RNPC3: variants seen among roughly 807,000 people sequenced by gnomAD.
The protein encoded by RNPC3 is RNA binding region (RNP1, RRM) containing 3.
A neutral mutation model predicts 67.5 loss-of-function variants in RNPC3; 48 were observed. That is an observed-to-expected ratio of 0.71 (90% CI 0.56 to 0.90). The LOEUF (loss-of-function observed/expected upper bound fraction) is 0.90. RNPC3 is among the 40% of genes least tolerant of loss of function. The pLI is 0.00. For synonymous variants in RNPC3, 239 were observed against 210.3 expected, an observed-to-expected ratio of 1.14 and a Z score of -1.18; for missense variants, 637 against 626.1, an observed-to-expected ratio of 1.02 and a Z score of -0.19.
Position 103,539,729 on chromosome 1 carries a change from CA to C in RNPC3, c.768-1617del, listed in dbSNP as rs1381009048. On this transcript the variant is annotated intron_variant, in intron 7 of 14. Transcript: ENST00000423855. ...TTCAGGAAATGTAACAAGACCTAAA[CA>C]AAAGAAAAATGGTACAGGTTGAGTA... 3.3e-5 allele frequency among the ~76,000 whole-genome samples: 5 copies of C among 152,192 alleles called. 1 individual carries two copies. The East Asian group carries it at 9.7e-4, about 29-fold the overall frequency.
intron 2 of RNPC3, among the ~76,000 whole-genome samples, chr1:103,530,652 G>T (rs746840271): frequency 1.3e-5 from 2 of 152,262 alleles, no homozygotes; most frequent in South Asian, 2.1e-4. Flanking sequence ...GAGCAAGGGG[G>T]TGACCTTGGT....
At chr1:103,532,478 G>A (rs565356743) in intron 2 of RNPC3, among the ~76,000 whole-genome samples, 21 of 152,200 alleles carry the variant, frequency 1.4e-4, no homozygotes, top group Admixed American at 2.6e-4. Flanking sequence ...TGTGTTCCTT[G>A]ACTTCAGGAC....
chr1:103,554,235 T>C (rs906579011), intron 14 of RNPC3: 10 of 152,390 alleles, frequency 6.6e-5, no homozygotes, highest in African/African-American at 1.7e-4. Context: ...GCACCTCTGG[T>C]CTCAGCTACT....
At chr1:103,541,603 T>A in intron 8 of RNPC3, 128 bp downstream of exon 8, 1 of 791,090 alleles carries the variant, frequency 1.3e-6, no homozygotes, top group Non-Finnish European at 1.9e-6. Flanking sequence ...GCTTCCTAGT[T>A]ACCAAATTTA....
Position 103,525,789 on chromosome 1 carries a change from T to A in RNPC3, c.-282T>A. On this transcript the variant is annotated 5_prime_UTR_variant, in exon 1 of 15. Transcript: ENST00000423855. ...TTCCTTCTTTGATTGACAACTTGTG[T>A]TAACCCTCGCACATCTCTGGGCCAA... The A allele has an allele frequency of 3.1e-6, 1 of 326,672 alleles. No homozygotes were observed. Among genetic ancestry groups the A allele is most frequent in the Non-Finnish European group, 5.6e-6 (1 of 176,992 alleles). The allele number at this position is 326,672 out of a possible 1,614,324, so 20.2% of individuals were successfully genotyped here. A position where few individuals can be genotyped will look rare whatever the true frequency, so the allele number is the denominator to read the frequency against.
intron 14 of RNPC3, chr1:103,553,505 A>G (rs1307721611): frequency 1.3e-5 from 2 of 152,150 alleles, no homozygotes; most frequent in Non-Finnish European, 2.9e-5. Context: ...TTTGTTGTTG[A>G]ATTTTCTGTG....
In RNPC3 at chr1:103,551,024, C is replaced by T; in HGVS notation, c.1445C>T (p.Ala482Val). Residue 482 changes from alanine to valine, a missense_variant, in exon 13 of 15, where the codon GCC becomes GTC. Around this residue, in one of 3 missense-constraint regions of RNPC3, gnomAD observed 96 missense variants for 105.8 expected, o/e 0.91. Coordinates refer to ENST00000423855, the MANE Select transcript of RNPC3 (RefSeq NM_017619.4). ...CCTAATGAAAAAGCAGCAGCAAAAG[C>T]CTTAAAGGAAGCTAATGGATATGTG... ...GLPNEKAAAKALKEANGYVLF... is the reference protein window; with the variant it reads ...GLPNEKAAAKVLKEANGYVLF... The T allele has an allele frequency of 6.2e-7, 1 of 1,612,508 alleles. No individual in the cohort carries two copies. The highest frequency in any genetic ancestry group is 8.5e-7 in the Non-Finnish European group (1 of 1,179,520).
In RNPC3 at chr1:103,535,316, T is replaced by G. The variant is rs1483621985; in HGVS notation, c.444-14T>G. ...ATGAAAACATAAGCATCTTAAATGTTTTTTGTTTTATAGGCTGACTTTTCC... is the reference window on the plus strand; with the variant it reads ...ATGAAAACATAAGCATCTTAAATGTGTTTTGTTTTATAGGCTGACTTTTCC... On this transcript the variant is annotated splice_polypyrimidine_tract_variant and intron_variant, in intron 4 of 14. Transcript: ENST00000423855. 1 of 1,499,484 alleles carries G rather than the reference T, an allele frequency of 6.7e-7. No homozygotes were observed. The highest frequency in any genetic ancestry group is 2.5e-5 in the East Asian group (1 of 40,602). The allele number at this position is 1,499,484 out of a possible 1,614,324, so 92.9% of individuals were successfully genotyped here.
Position 103,551,040 on chromosome 1 carries a change from TG to T in RNPC3, c.1463del (p.Gly488AspfsTer33), listed in dbSNP as rs1327941021. ...CAGCAAAAGCCTTAAAGGAAGCTAA[TG>T]GATATGTGCTTTTTGGAAAACCCAT... ...AAAKALKEAN[G>X]YVLFGKPMVV... On this transcript the variant is annotated frameshift_variant, in exon 13 of 15. Coordinates refer to ENST00000423855, the MANE Select transcript of RNPC3 (RefSeq NM_017619.4). LOFTEE classifies it high-confidence loss of function. 1 of 1,612,514 alleles carries T rather than the reference TG, an allele frequency of 6.2e-7. No individual in the cohort carries two copies. The highest frequency in any genetic ancestry group is 1.3e-5 in the African/African-American group (1 of 74,904).
Position 103,525,709 on chromosome 1 carries a change from G to C in RNPC3, c.-362G>C, listed in dbSNP as rs1650675237. ...CCAGCCCGCACATGCGCAGTCGTGA[G>C]TCCTCTTGTCCTTGAGCGTCAACCT... On this transcript the variant is annotated 5_prime_UTR_variant, in exon 1 of 15. Transcript: ENST00000423855. The C allele has an allele frequency of 6.4e-6, 1 of 156,744 alleles. No individual in the cohort carries two copies. Among genetic ancestry groups the C allele is most frequent in the Non-Finnish European group, 1.4e-5 (1 of 70,812 alleles). The allele number at this position is 156,744 out of a possible 1,614,324, so 9.7% of individuals were successfully genotyped here. A position where few individuals can be genotyped will look rare whatever the true frequency, so the allele number is the denominator to read the frequency against.
In RNPC3 at chr1:103,537,355, T is replaced by G. The variant is rs1651011002; in HGVS notation, c.638T>G (p.Met213Arg). 1.3e-6 allele frequency: 2 copies of G among 1,534,758 alleles called. No homozygotes were observed. The highest frequency in any genetic ancestry group is 4.9e-5 in the East Asian group (2 of 40,886). Residue 213 changes from methionine (M) to arginine (R), a missense_variant, in exon 7 of 15, where the codon ATG becomes AGG. Transcript: ENST00000423855. ...TCTTTTAATTAGTATGAAGACTATA[T>G]GCCATTGCATGCACCTCTTCCACCC... ...TARPPMYEDY[M>R]PLHAPLPPTS...
At chr1:103,526,383 C>T (rs1379721245) in intron 1 of RNPC3, 121 bp downstream of exon 1, 1 of 726,028 alleles carries the variant, frequency 1.4e-6, no homozygotes, top group Non-Finnish European at 2.2e-6. Flanking sequence ...GATGAGAGCT[C>T]CCCCATCCTA....
chr1:103,548,524 C>T (rs1446096731), intron 12 of RNPC3, among the ~76,000 whole-genome samples: 1 of 152,144 alleles, frequency 6.6e-6, no homozygotes, highest in East Asian at 1.9e-4. Flanking sequence ...CTCCAGTTCC[C>T]AACAAGTTCC....
rs375329285 is a variant in RNPC3, at chr1:103,527,770, T to C, written c.240+28T>C. On this transcript the variant is annotated intron_variant, in intron 2 of 14. Coordinates refer to ENST00000423855, the MANE Select transcript of RNPC3 (RefSeq NM_017619.4). ...ATGACTTTTTCTTGACGATTAAAGT[T>C]GTCAACAGGATCCTCTTATACAATC... The C allele has an allele frequency of 6.1e-6, 9 of 1,469,326 alleles. No individual in the cohort carries two copies. In the African/African-American group the frequency reaches 8.4e-5, roughly 14 times the overall value. 91.0% of individuals were successfully genotyped at this position (1,469,326 alleles called of 1,614,324 possible).
At chr1:103,551,997 T>C (rs1422860859) in intron 14 of RNPC3, 1 of 385,882 alleles carries the variant, frequency 2.6e-6, no homozygotes, top group African/African-American at 2.1e-5. Context: ...GTTTGGAGAA[T>C]GAATCTTATA....
rs1163204505 is a variant in RNPC3, at chr1:103,546,354, T to C, written c.1302+12T>C. The C allele has an allele frequency of 7.8e-7, 1 of 1,275,788 alleles. No homozygotes were observed. Among genetic ancestry groups the C allele is most frequent in the Non-Finnish European group, 1.1e-6 (1 of 947,776 alleles). 79.0% of individuals were successfully genotyped at this position (1,275,788 alleles called of 1,614,324 possible). ...ATGTTCAAGAAAAGGTAGGTATAAA[T>C]TGATTTTTTTTCATGTAAATGAAAA... On this transcript the variant is annotated intron_variant, in intron 11 of 14. Transcript: ENST00000423855.
chr1:103,542,993 G>A (rs1651160484), intron 8 of RNPC3, among the ~76,000 whole-genome samples: 1 of 151,524 alleles, frequency 6.6e-6, no homozygotes, highest in South Asian at 2.1e-4. Context: ...TAAATATCCT[G>A]GTGTTTAGAA....
At chr1:103,543,616 G>T (rs1267954854) in intron 9 of RNPC3, among the ~76,000 whole-genome samples, 169 bp downstream of exon 9, 5 of 151,730 alleles carry the variant, frequency 3.3e-5, no homozygotes, top group Admixed American at 2.0e-4. Context: ...TTATATAACA[G>T]AAATTGATGG....
chr1:103,553,101 A>G (rs1485327115), intron 14 of RNPC3, among the ~76,000 whole-genome samples: 3 of 152,158 alleles, frequency 2.0e-5, no homozygotes, highest in Non-Finnish European at 4.4e-5. Flanking sequence ...AGTCCTTCTG[A>G]GATGGCTTGA....
Sources: gnomAD v4.1 joint callset for allele counts (sites outside exome capture counted in the v4.1 genomes callset) on GRCh38, gnomAD v4.1.1 for gene constraint, gnomAD v4.1.1 regional missense constraint, MANE v1.5 for transcripts, NCBI Gene and HGNC (gene_info 2026-07-23, HGNC 2026-07-21) for gene names.